Variants in CHRDL2 observed in about 807,000 individuals in gnomAD.
CHRDL2 encodes chordin like 2, also known as chordin-like protein 2.
Under a neutral mutation model 54.3 loss-of-function variants are expected in CHRDL2, and 41 were observed. That is an observed-to-expected ratio of 0.76 (90% CI 0.59 to 0.98). CHRDL2 has a LOEUF of 0.98. Among genes scored for constraint, CHRDL2 ranks in the 50% least tolerant of loss-of-function variants. The pLI is 0.00. For synonymous variants in CHRDL2, 220 were observed against 224.3 expected (o/e 0.98, Z 0.17); for missense variants, 518 against 562.4 (o/e 0.92, Z 0.80).
intron 1 of CHRDL2, among the ~76,000 whole-genome samples, chr11:74,725,664 A>G (rs915377459): frequency 2.0e-5 from 3 of 152,296 alleles, no homozygotes; most frequent in Admixed American, 1.3e-4. Context: ...TTCTTCCCCA[A>G]TAGGAAGCAG....
intron 2 of CHRDL2, among the ~76,000 whole-genome samples, 161 bp downstream of exon 2, chr11:74,718,559 C>A (rs1481498443): frequency 2.0e-5 from 3 of 152,188 alleles, no homozygotes; most frequent in Non-Finnish European, 4.4e-5. Context: ...GCCATCTAAT[C>A]CTATATATTG....
chr11:74,726,871 C>G (rs1195697479), intron 1 of CHRDL2, among the ~76,000 whole-genome samples: 2 of 152,186 alleles, frequency 1.3e-5, no homozygotes, highest in Non-Finnish European at 2.9e-5. Context: ...TGCACACCTG[C>G]ACAGGTAGAT....
At chr11:74,720,729 G>A (rs534987853) in intron 1 of CHRDL2, among the ~76,000 whole-genome samples, 4 of 152,314 alleles carry the variant, frequency 2.6e-5, no homozygotes, top group Admixed American at 1.3e-4. Context: ...TGGGGTGAGC[G>A]GGGAGCTCAC....
chr11:74,704,484 A>T lies in CHRDL2; in HGVS notation c.751+2T>A. The T allele has an allele frequency of 6.3e-7, 1 of 1,585,280 alleles. No homozygotes were observed. The highest frequency in any genetic ancestry group is 1.2e-5 in the South Asian group (1 of 85,178). On this transcript the variant is annotated splice_donor_variant, in intron 7 of 10. Coordinates refer to ENST00000376332, the MANE Select transcript of CHRDL2 (RefSeq NM_001278473.3). LOFTEE classifies it high-confidence loss of function. ...CAGATTGGAGGAGGGTCCAGTCCCC[A>T]CCTTTCTTATGTTTCTCCTTCAGGA...
chr11:74,717,112 A>C (rs991883382), intron 2 of CHRDL2, among the ~76,000 whole-genome samples: 1 of 150,634 alleles, frequency 6.6e-6, no homozygotes, highest in South Asian at 2.1e-4. Context: ...AAACAAACAA[A>C]AAAAAAAAAC....
intron 7 of CHRDL2, 124 bp downstream of exon 7, chr11:74,704,362 C>T: frequency 1.1e-6 from 1 of 911,100 alleles, no homozygotes; most frequent in South Asian, 1.7e-5. Flanking sequence ...AGTCTACAAG[C>T]TCATGGCCAA....
chr11:74,711,485 C>G (rs2034191079), intron 3 of CHRDL2, among the ~76,000 whole-genome samples: 1 of 152,150 alleles, frequency 6.6e-6, no homozygotes, highest in Non-Finnish European at 1.5e-5. Flanking sequence ...ATTCACTGGC[C>G]CCCAGAGCCC....
intron 1 of CHRDL2, 80 bp downstream of exon 1, chr11:74,730,727 G>A (rs1177571577): frequency 3.0e-6 from 4 of 1,333,404 alleles, no homozygotes; most frequent in Middle Eastern, 4.5e-4. Flanking sequence ...GAAGAGCTTG[G>A]GGTCCAGGTC....
chr11:74,704,640 A>T lies in CHRDL2; in HGVS notation c.597T>A (p.Asp199Glu), dbSNP rs1432871662. 2 of 1,606,368 alleles carry T rather than the reference A, an allele frequency of 1.2e-6. No homozygotes were observed. Among genetic ancestry groups the T allele is most frequent in the South Asian group, 2.2e-5 (2 of 89,146 alleles). The change falls in exon 7 of 11, where the codon GAT becomes GAA. Residue 199 changes from aspartate (D) to glutamate (E), a missense_variant. Physicochemically the swap from Asp to Glu is conservative, Grantham distance 45. Transcript: ENST00000376332. ...QSLHGVRHPQDPCSSDAGRKR... is the reference protein window; with the variant it reads ...QSLHGVRHPQEPCSSDAGRKR... ...TTCTCCCAGCATCACTGGAACATGGATCCTGAGGATGTCTCTGCAAATGGC... is the reference window on the plus strand; with the variant it reads ...TTCTCCCAGCATCACTGGAACATGGTTCCTGAGGATGTCTCTGCAAATGGC...
intron 9 of CHRDL2, 57 bp downstream of exon 9, chr11:74,702,737 G>T: frequency 3.8e-6 from 6 of 1,590,858 alleles, no homozygotes; most frequent in Non-Finnish European, 5.2e-6. Context: ...GGGGTCTGGG[G>T]CACGGGAAGG....
rs1016793809 is a variant in CHRDL2 at position 74,713,369 on chromosome 11, G to T, written c.289+17C>A. 6.2e-7 allele frequency: 1 copy of T among 1,607,152 alleles called. No homozygotes were observed. Among genetic ancestry groups the T allele is most frequent in the Admixed American group, 1.7e-5 (1 of 59,928 alleles). ...GAGAAAGGTCCATGGACGATGGGGA[G>T]GAGCATGGCTACTTACCCACACACT... On this transcript the variant is annotated intron_variant, in intron 3 of 10. Coordinates refer to ENST00000376332, the MANE Select transcript of CHRDL2 (RefSeq NM_001278473.3).
chr11:74,712,057 G>T (rs553433399), intron 3 of CHRDL2, among the ~76,000 whole-genome samples: 1 of 152,074 alleles, frequency 6.6e-6, no homozygotes, highest in Admixed American at 6.5e-5. Flanking sequence ...TGATCCGCCC[G>T]CCTCGGCCTC....
At chr11:74,725,944 A>G (rs1443888566) in intron 1 of CHRDL2, among the ~76,000 whole-genome samples, 1 of 152,226 alleles carries the variant, frequency 6.6e-6, no homozygotes, top group East Asian at 1.9e-4. Flanking sequence ...CCTCTGAGAC[A>G]TAAGCTCTGC....
In CHRDL2 at chr11:74,718,595, C is replaced by T. The variant is rs2034422744; in HGVS notation, c.195+125G>A. 5 of 659,542 alleles carry T rather than the reference C, an allele frequency of 7.6e-6. No homozygotes were observed. The East Asian group carries it at 1.4e-4, about 18-fold the overall frequency. 40.9% of individuals were successfully genotyped at this position (659,542 alleles called of 1,614,324 possible). ...AGTAGTCAGTAGTGAAGTGGCTTGT[C>T]CCAAGTCTCTCAGCTGCCGCTGACA... is the stretch of plus-strand genomic sequence containing the variant. On this transcript the variant is annotated intron_variant, in intron 2 of 10. Coordinates refer to ENST00000376332, the MANE Select transcript of CHRDL2 (RefSeq NM_001278473.3).
Position 74,730,155 on chromosome 11 carries a change from G to T in CHRDL2, c.82+652C>A, listed in dbSNP as rs187995313. ...CGGGGCTGGGATGGTGAAGACGCTGGTCTATCTCACTGTGCCCTGCCGCCT... is the reference window on the plus strand; with the variant it reads ...CGGGGCTGGGATGGTGAAGACGCTGTTCTATCTCACTGTGCCCTGCCGCCT... On this transcript the variant is annotated intron_variant, in intron 1 of 10. Transcript: ENST00000376332. 8.1e-4 allele frequency among the ~76,000 whole-genome samples: 123 copies of T among 152,294 alleles called. 1 individual carries two copies. Among genetic ancestry groups the T allele is most frequent in the African/African-American group, 2.9e-3 (121 of 41,550 alleles).
chr11:74,701,483 G>C (rs1011795981), intron 9 of CHRDL2: 5 of 642,032 alleles, frequency 7.8e-6, no homozygotes, highest in Non-Finnish European at 1.2e-5. Flanking sequence ...AGGCTGAACA[G>C]CTCCACTTTC....
intron 1 of CHRDL2, among the ~76,000 whole-genome samples, chr11:74,723,897 C>T (rs1398028751): frequency 6.6e-6 from 1 of 152,138 alleles, no homozygotes; most frequent in Non-Finnish European, 1.5e-5. Flanking sequence ...GAAACTGAGA[C>T]CTCAGAAATT....
In CHRDL2 at chr11:74,706,499, C is replaced by T. The variant is rs112976652; in HGVS notation, c.570G>A (p.Ser190=). ...EQSDEEDSVQ[S]LHGVRHPQDP... ...GCCGTGCACTCACCACCCCATGGAG[C>T]GACTGCACACTGTCCTCTTCATCCG... Residue 190 remains serine (S), a synonymous_variant, in exon 6 of 11, where the codon TCG becomes TCA. Coordinates refer to ENST00000376332, the MANE Select transcript of CHRDL2 (RefSeq NM_001278473.3). 70 of 1,614,026 alleles carry T rather than the reference C, an allele frequency of 4.3e-5. 1 individual carries two copies. The highest frequency in any genetic ancestry group is 3.9e-4 in the African/African-American group (29 of 75,026).
At chr11:74,718,469 A>AT (rs1172252893) in intron 2 of CHRDL2, among the ~76,000 whole-genome samples, 2 of 152,166 alleles carry the variant, frequency 1.3e-5, no homozygotes, top group Non-Finnish European at 2.9e-5. Flanking sequence ...GAAGGCTGGG[A>AT]TGTGAGATGG....
Sources: allele counts gnomAD v4.1 joint callset (sites outside exome capture counted in the v4.1 genomes callset), GRCh38; gene constraint gnomAD v4.1.1; transcripts MANE v1.5; gene names NCBI Gene and HGNC (gene_info 2026-07-23, HGNC 2026-07-21).